The following STEAP1B variants were observed in gnomAD, a reference collection of about 807,000 sequenced individuals.
STEAP1B encodes STEAP family protein MGC87042.
STEAP1B carries 13 observed loss-of-function variants against 27.9 expected under a neutral mutation model. The observed-to-expected ratio is 0.47, with a 90% confidence interval of 0.30 to 0.74. The LOEUF is 0.74. Ranked by LOEUF, STEAP1B falls within the 30% of genes least tolerant of loss-of-function variation. The pLI is 0.06. For synonymous variants in STEAP1B, 86 were observed against 107.1 expected (o/e 0.80, Z 1.22); for missense variants, 250 against 298.7 (o/e 0.84, Z 1.20).
chr7:22,490,917 T>C (rs1156241817), intron 4 of STEAP1B, among the ~76,000 whole-genome samples: 1 of 152,218 alleles, frequency 6.6e-6, no homozygotes, highest in African/African-American at 2.4e-5. Flanking sequence ...TAGAAGTAAT[T>C]TGTGCTGACT....
At chr7:22,493,186 A>C (rs1380682312) in intron 3 of STEAP1B, 138 bp downstream of exon 3, 2 of 1,120,320 alleles carry the variant, frequency 1.8e-6, no homozygotes, top group African/African-American at 3.2e-5. Flanking sequence ...TGTAATTATA[A>C]GAAAAATTTT....
At chr7:22,495,770 G>A (rs181446845) in intron 1 of STEAP1B, among the ~76,000 whole-genome samples, 13 of 152,134 alleles carry the variant, frequency 8.5e-5, no homozygotes, top group Non-Finnish European at 1.5e-4. Context: ...ACTTTTTTAG[G>A]TGGAAAGCTG....
chr7:22,466,829 G>A (rs1434207531), intron 4 of STEAP1B, among the ~76,000 whole-genome samples: 1 of 152,156 alleles, frequency 6.6e-6, no homozygotes, highest in Non-Finnish European at 1.5e-5. Flanking sequence ...GCAGACTCCA[G>A]AGCCAAACTG....
At position 22,492,615 on chromosome 7, in the gene STEAP1B, T is replaced by G. The variant is rs558137282; in HGVS notation, c.712A>C (p.Ile238Leu). Residue 238 changes from isoleucine (I) to leucine (L), a missense_variant, in exon 4 of 5, where the codon ATT becomes CTT. Ile to Leu is a conservative substitution (Grantham distance 5, BLOSUM62 2). Coordinates refer to ENST00000678116, the MANE Select transcript of STEAP1B (RefSeq NM_001382447.1). Reference sequence around the variant, plus strand: ...GTCAAAGAGTCACTCACAGATGGAATAGATGTCACAGCCAACAGAGCCAGT... The same window carrying G: ...GTCAAAGAGTCACTCACAGATGGAAGAGATGTCACAGCCAACAGAGCCAGT... Reference protein sequence around the residue: ...AILALLAVTSIPSVSDSLTWR... With the variant: ...AILALLAVTSLPSVSDSLTWR... The G allele has an allele frequency of 6.2e-7, 1 of 1,613,396 alleles. No individual in the cohort carries two copies. The highest frequency in any genetic ancestry group is 8.5e-7 in the Non-Finnish European group (1 of 1,179,724).
At chr7:22,421,253 G>A (rs917686809) in intron 4 of STEAP1B, among the ~76,000 whole-genome samples, 4 of 152,196 alleles carry the variant, frequency 2.6e-5, no homozygotes, top group Admixed American at 6.5e-5. Flanking sequence ...GCACTGTGGC[G>A]GGTGCTGAAA....
chr7:22,438,051 A>G (rs1785276768), intron 4 of STEAP1B, among the ~76,000 whole-genome samples: 1 of 152,078 alleles, frequency 6.6e-6, no homozygotes, highest in African/African-American at 2.4e-5. Context: ...CTTCCATTCC[A>G]TAGGTTTCTT....
intron 4 of STEAP1B, among the ~76,000 whole-genome samples, chr7:22,444,070 CTG>C (rs1269832796): frequency 6.6e-6 from 1 of 152,234 alleles, no homozygotes; most frequent in African/African-American, 2.4e-5. Context: ...GCCAGTGGGC[CTG>C]TCTCTCCACA....
At chr7:22,481,022 C>T (rs1189714824) in intron 4 of STEAP1B, among the ~76,000 whole-genome samples, 8 of 152,224 alleles carry the variant, frequency 5.3e-5, no homozygotes, top group Non-Finnish European at 1.2e-4. Context: ...CAGTGTTAAG[C>T]ACTCAATGTG....
chr7:22,485,545 G>A (rs1786188518), intron 4 of STEAP1B, among the ~76,000 whole-genome samples: 1 of 152,120 alleles, frequency 6.6e-6, no homozygotes, highest in African/African-American at 2.4e-5. Flanking sequence ...CTAGAGTGCA[G>A]TGGCATGATC....
At chr7:22,496,911 G>A (rs1195186629) in intron 1 of STEAP1B, among the ~76,000 whole-genome samples, 1 of 152,230 alleles carries the variant, frequency 6.6e-6, no homozygotes, top group Non-Finnish European at 1.5e-5. Flanking sequence ...CATTTACTTT[G>A]TTGAGGTACT....
rs1478025290 is a variant in STEAP1B at position 22,456,952 on chromosome 7, C to CCATATATATATATATATA, written c.762+35612_762+35613insTATATATATATATATATG. Among the ~76,000 whole-genome samples the CCATATATATATATATATA allele has an allele frequency of 1.8e-4, 13 of 73,278 alleles. 1 individual carries two copies. In the East Asian group the frequency reaches 3.7e-3, roughly 21 times the overall value. The allele number at this position is 73,278 out of a possible 152,430, so 48.1% of individuals were successfully genotyped here. On this transcript the variant is annotated intron_variant, in intron 4 of 4. Coordinates refer to ENST00000678116, the MANE Select transcript of STEAP1B (RefSeq NM_001382447.1). ...TTCAGAATGGGGGTGGGATAGGCAG[C>CCATATATATATATATATA]TATATATATATATATATATATTTTT... is the stretch of plus-strand genomic sequence containing the variant.
intron 4 of STEAP1B, among the ~76,000 whole-genome samples, chr7:22,453,769 C>G (rs1023112334): frequency 6.6e-6 from 1 of 152,230 alleles, no homozygotes; most frequent in African/African-American, 2.4e-5. Flanking sequence ...GTTGTTATAT[C>G]TCTTCTCAAA....
intron 4 of STEAP1B, among the ~76,000 whole-genome samples, chr7:22,471,228 A>T (rs1785877574): frequency 6.6e-6 from 1 of 152,148 alleles, no homozygotes; most frequent in Non-Finnish European, 1.5e-5. Context: ...AGCTCCCTAG[A>T]GGTGCCACGT....
At chr7:22,475,533 G>T (rs2128411982) in intron 4 of STEAP1B, among the ~76,000 whole-genome samples, 1 of 152,300 alleles carries the variant, frequency 6.6e-6, no homozygotes, top group East Asian at 1.9e-4. Context: ...CACCATGCCT[G>T]GCTAGTTTAA....
Position 22,441,992 on chromosome 7 carries a change from G to C in STEAP1B, c.763-22156C>G, listed in dbSNP as rs149366261. On this transcript the variant is annotated intron_variant, in intron 4 of 4. Transcript: ENST00000678116. ...GCAGGTCCCAAATTCTAGACCATGG[G>C]ATTTGGGTGGGATTTGGCCACCCTG... 6.6e-5 allele frequency among the ~76,000 whole-genome samples: 10 copies of C among 152,292 alleles called. No individual in the cohort carries two copies. In the East Asian group the frequency reaches 1.9e-3, roughly 29 times the overall value.
chr7:22,453,147 G>C (rs1471663749), intron 4 of STEAP1B, among the ~76,000 whole-genome samples: 5 of 152,070 alleles, frequency 3.3e-5, no homozygotes, highest in African/African-American at 1.2e-4. Flanking sequence ...AACTGCGACA[G>C]GATTTTATTT....
At chr7:22,436,594 G>T (rs1270651872) in intron 4 of STEAP1B, among the ~76,000 whole-genome samples, 1 of 147,332 alleles carries the variant, frequency 6.8e-6, no homozygotes, top group Admixed American at 6.9e-5. Context: ...CCCTCCTCGT[G>T]TCCATGTGTT....
chr7:22,453,976 C>G (rs1680384876), intron 4 of STEAP1B, among the ~76,000 whole-genome samples: 1 of 152,122 alleles, frequency 6.6e-6, no homozygotes, highest in Non-Finnish European at 1.5e-5. Flanking sequence ...TAGTTTGGGG[C>G]TATTATGAAT....
At chr7:22,479,072 C>T (rs563914385) in intron 4 of STEAP1B, among the ~76,000 whole-genome samples, 11 of 152,266 alleles carry the variant, frequency 7.2e-5, no homozygotes, top group East Asian at 3.9e-4. Context: ...ATTAAACTCC[C>T]GCTCCACTTG....
Sources: gnomAD v4.1 joint callset for allele counts (sites outside exome capture counted in the v4.1 genomes callset) on GRCh38, gnomAD v4.1.1 for gene constraint, MANE v1.5 for transcripts, NCBI Gene and HGNC (gene_info 2026-07-23, HGNC 2026-07-21) for gene names.